Variants in SAMTOR observed in about 807,000 individuals in gnomAD.
SAMTOR encodes the protein UPF0532 protein C7orf60.
the SAMTOR span, among the ~76,000 whole-genome samples, chr7:112,919,188 A>G: frequency 6.6e-6 from 1 of 152,330 alleles, no homozygotes; most frequent in African/African-American, 2.4e-5. Flanking sequence ...AATTGACCAC[A>G]TACTTGGAAG....
chr7:112,918,472 A>G, the SAMTOR span, among the ~76,000 whole-genome samples: 1 of 152,222 alleles, frequency 6.6e-6, no homozygotes, highest in Non-Finnish European at 1.5e-5. Flanking sequence ...AGGAACAACC[A>G]CTACCAGCCA....
chr7:112,924,918 C>T, the SAMTOR span, among the ~76,000 whole-genome samples: 1 of 151,396 alleles, frequency 6.6e-6, no homozygotes. Context: ...ATTCATAAAA[C>T]ACAAGTCCAA....
chr7:112,936,851 T>C, the SAMTOR span, among the ~76,000 whole-genome samples: 1 of 152,178 alleles, frequency 6.6e-6, no homozygotes, highest in Non-Finnish European at 1.5e-5. Flanking sequence ...CATCAATTTA[T>C]AACTTTTCAC....
At chr7:112,845,072 C>T in the SAMTOR span, among the ~76,000 whole-genome samples, 1 of 152,096 alleles carries the variant, frequency 6.6e-6, no homozygotes, top group Non-Finnish European at 1.5e-5. Context: ...CTTCTTGACA[C>T]CATATACAAA....
the SAMTOR span, among the ~76,000 whole-genome samples, chr7:112,878,174 A>G: frequency 2.9e-4 from 44 of 152,140 alleles, no homozygotes; most frequent in Non-Finnish European, 5.4e-4. Context: ...TAATAAAATT[A>G]ATTTTTACTG....
the SAMTOR span, among the ~76,000 whole-genome samples, chr7:112,914,157 T>C: frequency 2.6e-5 from 4 of 152,094 alleles, no homozygotes; most frequent in Admixed American, 2.6e-4. Context: ...AAATGAGATG[T>C]AAAAATTTTT....
the SAMTOR span, among the ~76,000 whole-genome samples, chr7:112,829,646 G>C: frequency 6.6e-6 from 1 of 152,130 alleles, no homozygotes; most frequent in Non-Finnish European, 1.5e-5. Flanking sequence ...AAATATTCCT[G>C]AACTGTGTTC....
the SAMTOR span, among the ~76,000 whole-genome samples, chr7:112,867,994 C>T: frequency 2.0e-5 from 3 of 152,168 alleles, no homozygotes; most frequent in African/African-American, 7.2e-5. Flanking sequence ...GTGAAATGCA[C>T]ATGCAAAGGA....
chr7:112,893,705 C>T, the SAMTOR span, among the ~76,000 whole-genome samples: 6 of 152,152 alleles, frequency 3.9e-5, no homozygotes, highest in Admixed American at 6.5e-5. Flanking sequence ...AGATCCAGAC[C>T]GTCCTGGCCA....
the SAMTOR span, among the ~76,000 whole-genome samples, chr7:112,890,605 AACAG>A: frequency 6.6e-6 from 1 of 151,940 alleles, no homozygotes; most frequent in Admixed American, 6.6e-5. Flanking sequence ...TGTTGGGTTA[AACAG>A]ACAAAAACTT....
At chr7:112,880,668 A>G in the SAMTOR span, among the ~76,000 whole-genome samples, 1 of 152,242 alleles carries the variant, frequency 6.6e-6, no homozygotes. Flanking sequence ...TGGTATTTGT[A>G]ATTATAAACT....
the SAMTOR span, among the ~76,000 whole-genome samples, chr7:112,860,454 T>C: frequency 1.3e-5 from 2 of 152,182 alleles, no homozygotes; most frequent in African/African-American, 4.8e-5. Flanking sequence ...TGCTATTCGT[T>C]CCCTTATTGC....
At chr7:112,833,424 A>T in the SAMTOR span, among the ~76,000 whole-genome samples, 1 of 152,214 alleles carries the variant, frequency 6.6e-6, no homozygotes, top group Non-Finnish European at 1.5e-5. Context: ...TTTTTCCCAG[A>T]ATTAATAAGA....
chr7:112,864,629 G>C, the SAMTOR span, among the ~76,000 whole-genome samples: 1 of 152,194 alleles, frequency 6.6e-6, no homozygotes, highest in South Asian at 2.1e-4. Flanking sequence ...ATTTACAGCT[G>C]AAAGTTCTGT....
chr7:112,883,041 T>C, the SAMTOR span, among the ~76,000 whole-genome samples: 1 of 152,244 alleles, frequency 6.6e-6, no homozygotes, highest in East Asian at 1.9e-4. Context: ...GATAATTTCC[T>C]ATTGTCATGC....
the SAMTOR span, among the ~76,000 whole-genome samples, chr7:112,877,114 T>C: frequency 6.6e-6 from 1 of 152,188 alleles, no homozygotes; most frequent in South Asian, 2.1e-4. Flanking sequence ...CTATTTATCT[T>C]TGTAACCCTT....
chr7:112,832,877 TATTC>T, the SAMTOR span, among the ~76,000 whole-genome samples: 2 of 152,322 alleles, frequency 1.3e-5, no homozygotes, highest in African/African-American at 4.8e-5. Context: ...GTCTTAAAAA[TATTC>T]ATTTATTAGA....
At chr7:112,831,632 A>G in the SAMTOR span, among the ~76,000 whole-genome samples, 1 of 152,204 alleles carries the variant, frequency 6.6e-6, no homozygotes, top group Non-Finnish European at 1.5e-5. Context: ...AGCCTGGGCA[A>G]CAAGAGCAAA....
the SAMTOR span, among the ~76,000 whole-genome samples, chr7:112,882,208 G>A: frequency 6.6e-5 from 10 of 152,174 alleles, no homozygotes; most frequent in Non-Finnish European, 1.5e-4. Flanking sequence ...CACACCCCTT[G>A]CCACTCTGCA....
Sources: gnomAD v4.1 joint callset for allele counts (sites outside exome capture counted in the v4.1 genomes callset) on GRCh38, gnomAD v4.1.1 for gene constraint, MANE v1.5 for transcripts, NCBI Gene and HGNC (gene_info 2026-07-23, HGNC 2026-07-21) for gene names.